LRRTM4: variants seen among roughly 807,000 people sequenced by gnomAD.
LRRTM4 encodes leucine rich repeat transmembrane neuronal 4, also known as leucine-rich repeat transmembrane neuronal protein 4.
LRRTM4 carries 25 observed loss-of-function variants against 47.6 expected under a neutral mutation model. The observed-to-expected ratio is 0.53, with a 90% CI of 0.38 to 0.73. LRRTM4 has a LOEUF of 0.73. Ranked by LOEUF, LRRTM4 falls within the 30% of genes least tolerant of loss-of-function variation. LRRTM4 has a pLI of 0.00. For synonymous variants in LRRTM4, 311 were observed against 269.5 expected (o/e 1.15, Z -1.51); for missense variants, 638 against 713.4 (o/e 0.89, Z 1.20).
intron 3 of LRRTM4, among the ~76,000 whole-genome samples, chr2:77,256,248 C>T (rs1458860191): frequency 6.6e-6 from 1 of 151,970 alleles, no homozygotes; most frequent in Non-Finnish European, 1.5e-5. Flanking sequence ...GTAACTTGCC[C>T]AATATCAATT....
At chr2:76,849,369 C>T (rs545837454) in intron 3 of LRRTM4, among the ~76,000 whole-genome samples, 4 of 152,214 alleles carry the variant, frequency 2.6e-5, no homozygotes, top group Middle Eastern at 3.4e-3. Flanking sequence ...TGAAATTTCT[C>T]TGCTGCCATG....
chr2:77,103,931 A>G, intron 3 of LRRTM4, among the ~76,000 whole-genome samples: 1 of 152,168 alleles, frequency 6.6e-6, no homozygotes, highest in African/African-American at 2.4e-5. Flanking sequence ...GAAATAATAA[A>G]TCAGTCGGAT....
At chr2:77,199,035 T>A (rs1044956755) in intron 3 of LRRTM4, among the ~76,000 whole-genome samples, 25 of 152,204 alleles carry the variant, frequency 1.6e-4, no homozygotes, top group African/African-American at 5.5e-4. Context: ...CCTTGGTATC[T>A]GTAGATCTGT....
chr2:76,749,636 C>G (rs1044208497), intron 3 of LRRTM4, among the ~76,000 whole-genome samples: 1 of 152,036 alleles, frequency 6.6e-6, no homozygotes, highest in Non-Finnish European at 1.5e-5. Context: ...AAATATGTGT[C>G]TAATGTTAGC....
At position 77,518,285 on chromosome 2, in the gene LRRTM4, T is replaced by C. The variant is rs780564063; in HGVS notation, c.1551+33A>G. 3.9e-6 allele frequency: 6 copies of C among 1,541,934 alleles called. No homozygotes were observed. The Admixed American group carries it at 8.0e-5, about 20-fold the overall frequency. ...AACATTTACCTCTCCTTCCCCGCAG[T>C]AGAAATGCTTTTAGGAGGATCATGG... On this transcript the variant is annotated intron_variant, in intron 3 of 3. Coordinates refer to ENST00000409884, the MANE Select transcript of LRRTM4 (RefSeq NM_001134745.3).
intron 3 of LRRTM4, among the ~76,000 whole-genome samples, chr2:76,822,871 T>G (rs967806607): frequency 1.3e-5 from 2 of 151,462 alleles, no homozygotes; most frequent in African/African-American, 2.4e-5. Flanking sequence ...GTCAGTATTG[T>G]TGAACTCTTT....
At chr2:77,087,888 A>T (rs1680777488) in intron 3 of LRRTM4, among the ~76,000 whole-genome samples, 1 of 152,216 alleles carries the variant, frequency 6.6e-6, no homozygotes, top group Non-Finnish European at 1.5e-5. Flanking sequence ...AAAATAAAGT[A>T]GTGAAAATAT....
chr2:76,930,080 G>GT (rs943723435), intron 3 of LRRTM4, among the ~76,000 whole-genome samples: 3 of 151,952 alleles, frequency 2.0e-5, no homozygotes, highest in Non-Finnish European at 4.4e-5. Context: ...GATCAGTATT[G>GT]TATCAGTTTC....
At chr2:77,005,850 A>G (rs1677623359) in intron 3 of LRRTM4, among the ~76,000 whole-genome samples, 1 of 152,204 alleles carries the variant, frequency 6.6e-6, no homozygotes, top group Admixed American at 6.5e-5. Flanking sequence ...AGACTAATAC[A>G]GAAGTATTCT....
chr2:77,209,240 A>G (rs1027335427), intron 3 of LRRTM4, among the ~76,000 whole-genome samples: 2 of 152,190 alleles, frequency 1.3e-5, no homozygotes, highest in African/African-American at 2.4e-5. Context: ...CAAGCTGTAC[A>G]TGAAAACATA....
chr2:77,304,870 A>G (rs1465761365), intron 3 of LRRTM4, among the ~76,000 whole-genome samples: 3 of 152,080 alleles, frequency 2.0e-5, no homozygotes, highest in Non-Finnish European at 4.4e-5. Context: ...GTTCAAGTGA[A>G]TGCCTTTCTG....
At chr2:76,758,008 A>G (rs1371810903) in intron 3 of LRRTM4, among the ~76,000 whole-genome samples, 1 of 152,176 alleles carries the variant, frequency 6.6e-6, no homozygotes, top group African/African-American at 2.4e-5. Context: ...TTTCCATTCA[A>G]GTTCACTTGC....
intron 3 of LRRTM4, among the ~76,000 whole-genome samples, chr2:76,978,085 C>T (rs1188610425): frequency 6.6e-6 from 1 of 151,984 alleles, no homozygotes; most frequent in Non-Finnish European, 1.5e-5. Flanking sequence ...TCTGGCTCTG[C>T]TCACACAAAT....
chr2:76,990,536 G>A (rs575430626), intron 3 of LRRTM4, among the ~76,000 whole-genome samples: 1 of 151,396 alleles, frequency 6.6e-6, no homozygotes, highest in East Asian at 1.9e-4. Flanking sequence ...ACCAACAATA[G>A]TAAAAAAGGA....
chr2:76,834,452 A>C (rs1269851355), intron 3 of LRRTM4, among the ~76,000 whole-genome samples: 1 of 152,062 alleles, frequency 6.6e-6, no homozygotes, highest in East Asian at 1.9e-4. Flanking sequence ...TTCTTCAATG[A>C]GAATAGCTCC....
intron 3 of LRRTM4, among the ~76,000 whole-genome samples, chr2:76,893,221 C>T (rs1470470546): frequency 1.3e-5 from 2 of 151,538 alleles, no homozygotes; most frequent in African/African-American, 4.8e-5. Context: ...GATGCTCACA[C>T]TTGATCTTTA....
intron 3 of LRRTM4, among the ~76,000 whole-genome samples, chr2:76,935,741 G>A (rs1213491352): frequency 1.3e-5 from 2 of 152,096 alleles, no homozygotes; most frequent in Non-Finnish European, 2.9e-5. Context: ...AGGAGATTTT[G>A]GGCTGAGACA....
chr2:77,208,675 G>T (rs940453793), intron 3 of LRRTM4, among the ~76,000 whole-genome samples: 4 of 152,090 alleles, frequency 2.6e-5, no homozygotes, highest in African/African-American at 9.7e-5. Flanking sequence ...CAGGGGACTT[G>T]GGGAAAATGA....
intron 3 of LRRTM4, among the ~76,000 whole-genome samples, chr2:76,984,821 T>A (rs1676736155): frequency 6.6e-6 from 1 of 152,024 alleles, no homozygotes; most frequent in South Asian, 2.1e-4. Flanking sequence ...CATTCCTAAC[T>A]ATATTGCTGC....
Sources: allele counts gnomAD v4.1 joint callset (sites outside exome capture counted in the v4.1 genomes callset), GRCh38; gene constraint gnomAD v4.1.1; transcripts MANE v1.5; gene names NCBI Gene and HGNC (gene_info 2026-07-23, HGNC 2026-07-21).